Variants in ERVK3-1 observed in about 807,000 individuals in gnomAD.
ERVK3-1 encodes endogenous retrovirus group K3 member 1.
At chr19:58,308,948 A>C (rs1477982453) in intron 2 of ERVK3-1, 1 of 152,256 alleles carries the variant, frequency 6.6e-6, no homozygotes, top group Non-Finnish European at 1.5e-5. Flanking sequence ...CAGTGGGTGC[A>C]TTACAGCAAG....
chr19:58,316,155 AAC>A (rs2051591382), downstream of ERVK3-1, among the ~76,000 whole-genome samples: 1 of 152,016 alleles, frequency 6.6e-6, no homozygotes, highest in African/African-American at 2.4e-5. Flanking sequence ...ATCCCTCTAA[AAC>A]ACACCCTGCT....
At position 58,305,932 on chromosome 19, in the gene ERVK3-1, C is replaced by T. The variant is rs373445682; in HGVS notation, c.-132-156C>T. On this transcript the variant is annotated intron_variant, in intron 1 of 3. Coordinates refer to ENST00000413518, the Ensembl canonical transcript of ERVK3-1. ...ATCAAATAGCTGACCGTCAGTTACC[C>T]TTTCCTCCCTATTCAGTCTACCTAA... is the stretch of plus-strand genomic sequence containing the variant. 2.1e-4 allele frequency among the ~76,000 whole-genome samples: 32 copies of T among 152,346 alleles called. No homozygotes were observed. The South Asian group carries it at 2.7e-3, about 13-fold the overall frequency.
In ERVK3-1 at chr19:58,312,315, G is replaced by A. The variant is rs2051561434; in HGVS notation, c.147G>A (p.Pro49=). Reference sequence around the variant, plus strand: ...TGAATGCAAAGACAGAACAAGGGCCGACCGGAGTCACAATGACATCCAACC... The same window carrying A: ...TGAATGCAAAGACAGAACAAGGGCCAACCGGAGTCACAATGACATCCAACC... Residue 49 remains proline (P), a synonymous_variant, in exon 3 of 4, where the codon CCG becomes CCA. Coordinates refer to ENST00000413518, the Ensembl canonical transcript of ERVK3-1. The surrounding 1 kb of genome is among the most constrained non-coding windows in gnomAD (Gnocchi z 4.7). 5 of 400,142 alleles carry A rather than the reference G, an allele frequency of 1.2e-5. No homozygotes were observed. Among genetic ancestry groups the A allele is most frequent in the East Asian group, 1.1e-4 (3 of 28,080 alleles). The allele number at this position is 400,142 out of a possible 1,614,324, so 24.8% of individuals were successfully genotyped here.
At chr19:58,316,264 C>T (rs1031832282), downstream of ERVK3-1, among the ~76,000 whole-genome samples, 1 of 152,216 alleles carries the variant, frequency 6.6e-6, no homozygotes, top group African/African-American at 2.4e-5. Flanking sequence ...CTTCATCACT[C>T]TCCACTCAGC....
intron 2 of ERVK3-1, among the ~76,000 whole-genome samples, chr19:58,307,038 T>C (rs1367603365): frequency 6.6e-6 from 1 of 152,220 alleles, no homozygotes; most frequent in Non-Finnish European, 1.5e-5. Flanking sequence ...CTAGACAGAA[T>C]CTCACCGCTG....
chr19:58,308,455 C>T (rs965216134), intron 2 of ERVK3-1, among the ~76,000 whole-genome samples: 2 of 152,212 alleles, frequency 1.3e-5, no homozygotes, highest in Admixed American at 1.3e-4. Context: ...ACTTTTCAAC[C>T]TTATGTTGCA....
chr19:58,307,027 G>T (rs564454859), intron 2 of ERVK3-1, among the ~76,000 whole-genome samples: 1 of 152,298 alleles, frequency 6.6e-6, no homozygotes, highest in African/African-American at 2.4e-5. Flanking sequence ...TGCAGACCAG[G>T]CTAGACAGAA....
chr19:58,311,448 G>T (rs996017199), intron 2 of ERVK3-1: 1 of 152,174 alleles, frequency 6.6e-6, no homozygotes, highest in Non-Finnish European at 1.5e-5. Flanking sequence ...ATGCTTTACT[G>T]CATCAGAACA....
At position 58,313,043 on chromosome 19, in the gene ERVK3-1, T is replaced by A. The variant is rs1202350381; in HGVS notation, c.294+581T>A. 1 of 152,148 alleles carries A rather than the reference T, an allele frequency of 6.6e-6. No homozygotes were observed. Among genetic ancestry groups the A allele is most frequent in the African/African-American group, 2.4e-5 (1 of 41,428 alleles). The allele number at this position is 152,148 out of a possible 1,614,324, so 9.4% of individuals were successfully genotyped here. On this transcript the variant is annotated intron_variant, in intron 3 of 3. Transcript: ENST00000413518. This position sits in a 1 kb window ranked among gnomAD's most constrained non-coding sequence, Gnocchi z 4.5. ...TTCATCACATCACACTGGGATTCAG[T>A]CCCCCAGTTGGCTGCACAACTTGCT...
rs1026389217 is a variant in ERVK3-1 at position 58,310,877 on chromosome 19, A to T, written c.-3-1289A>T. 2 of 405,882 alleles carry T rather than the reference A, an allele frequency of 4.9e-6. No homozygotes were observed. Among genetic ancestry groups the T allele is most frequent in the African/African-American group, 2.1e-5 (1 of 48,412 alleles). 25.1% of individuals were successfully genotyped at this position (405,882 alleles called of 1,614,324 possible). ...GCTAAGTAGCGGGTGTTGTTCCTTG[A>T]CACTTTTCGCTACCGCTAGACCACG... is the stretch of plus-strand genomic sequence containing the variant. On this transcript the variant is annotated intron_variant, in intron 2 of 3. Transcript: ENST00000413518. This position sits in a 1 kb window ranked among gnomAD's most constrained non-coding sequence, Gnocchi z 4.7.
Position 58,310,837 on chromosome 19 carries a change from A to C in ERVK3-1, c.-3-1329A>C, listed in dbSNP as rs546126611. 31 of 391,400 alleles carry C rather than the reference A, an allele frequency of 7.9e-5. 1 individual carries two copies. In the East Asian group the frequency reaches 1.3e-3, roughly 16 times the overall value. The allele number at this position is 391,400 out of a possible 1,614,324, so 24.2% of individuals were successfully genotyped here. A position where few individuals can be genotyped will look rare whatever the true frequency, so the allele number is the denominator to read the frequency against. ...CCCAGGGAAAGGGAGACCGCCCCCC[A>C]CCCTTTCCCGGTCTGCTAAGTAGCG... On this transcript the variant is annotated intron_variant, in intron 2 of 3. Coordinates refer to ENST00000413518, the Ensembl canonical transcript of ERVK3-1. The surrounding 1 kb of genome is among the most constrained non-coding windows in gnomAD (Gnocchi z 4.7).
In ERVK3-1 at chr19:58,310,891, C is replaced by A; in HGVS notation, c.-3-1275C>A. 5.0e-6 allele frequency: 2 copies of A among 399,484 alleles called. No individual in the cohort carries two copies. The highest frequency in any genetic ancestry group is 3.5e-5 in the South Asian group (2 of 56,404). 24.7% of individuals were successfully genotyped at this position (399,484 alleles called of 1,614,324 possible). On this transcript the variant is annotated intron_variant, in intron 2 of 3. Coordinates refer to ENST00000413518, the Ensembl canonical transcript of ERVK3-1. The surrounding 1 kb of genome is among the most constrained non-coding windows in gnomAD (Gnocchi z 4.7). ...GTTGTTCCTTGACACTTTTCGCTAC[C>A]GCTAGACCACGGTCTTCCCAAACGC...
rs763090873 is a variant in ERVK3-1 at position 58,313,312 on chromosome 19, A to G, written c.294+850A>G. On this transcript the variant is annotated intron_variant, in intron 3 of 3. Coordinates refer to ENST00000413518, the Ensembl canonical transcript of ERVK3-1. This position sits in a 1 kb window ranked among gnomAD's most constrained non-coding sequence, Gnocchi z 4.5. ...TGTTGTTGTTAACTGTTTGAGATGGAGTCTCACTCTGTCGCCCAGGCTGGA... is the reference window on the plus strand; with the variant it reads ...TGTTGTTGTTAACTGTTTGAGATGGGGTCTCACTCTGTCGCCCAGGCTGGA... 6.6e-6 allele frequency among the ~76,000 whole-genome samples: 1 copy of G among 152,110 alleles called. No individual in the cohort carries two copies. Among genetic ancestry groups the G allele is most frequent in the South Asian group, 2.1e-4 (1 of 4,832 alleles).
At chr19:58,308,625 G>T (rs533749046) in intron 2 of ERVK3-1, among the ~76,000 whole-genome samples, 2 of 152,190 alleles carry the variant, frequency 1.3e-5, no homozygotes, top group African/African-American at 4.8e-5. Context: ...CCCCGGTCCG[G>T]TATCGGTAAC....
rs1036193936 is a variant in ERVK3-1, at chr19:58,310,815, A to G, written c.-3-1351A>G. 1.2e-4 allele frequency: 44 copies of G among 355,580 alleles called. No individual in the cohort carries two copies. The highest frequency in any genetic ancestry group is 8.8e-4 in the African/African-American group (41 of 46,480). 22.0% of individuals were successfully genotyped at this position (355,580 alleles called of 1,614,324 possible). A position where few individuals can be genotyped will look rare whatever the true frequency, so the allele number is the denominator to read the frequency against. On this transcript the variant is annotated intron_variant, in intron 2 of 3. Transcript: ENST00000413518. The surrounding 1 kb of genome is among the most constrained non-coding windows in gnomAD (Gnocchi z 4.7). ...AGCAGAGTCTTCTCTAACCTCCCCC[A>G]GGGAAAGGGAGACCGCCCCCCACCC...
exon 1 of ERVK3-1, chr19:58,305,377 A>C (rs949105895): frequency 2.6e-5 from 4 of 152,274 alleles, no homozygotes; most frequent in African/African-American, 9.7e-5. Flanking sequence ...TGCCGGCGGC[A>C]GTGTGTAAGA....
chr19:58,310,855 A>G lies in ERVK3-1; in HGVS notation c.-3-1311A>G, dbSNP rs548409990. 5.9e-4 allele frequency: 239 copies of G among 402,488 alleles called. No homozygotes were observed. Among genetic ancestry groups the G allele is most frequent in the Admixed American group, 1.2e-3 (50 of 40,012 alleles). The allele number at this position is 402,488 out of a possible 1,614,324, so 24.9% of individuals were successfully genotyped here. ...GCCCCCCACCCTTTCCCGGTCTGCT[A>G]AGTAGCGGGTGTTGTTCCTTGACAC... On this transcript the variant is annotated intron_variant, in intron 2 of 3. Coordinates refer to ENST00000413518, the Ensembl canonical transcript of ERVK3-1. The surrounding 1 kb of genome is among the most constrained non-coding windows in gnomAD (Gnocchi z 4.7).
At chr19:58,314,155 A>C (rs2051574836) in intron 3 of ERVK3-1, among the ~76,000 whole-genome samples, 2 of 152,352 alleles carry the variant, frequency 1.3e-5, no homozygotes, top group South Asian at 4.1e-4. Context: ...CCAATTTGGA[A>C]TAGAACCAAA....
At position 58,313,256 on chromosome 19, in the gene ERVK3-1, C is replaced by A. The variant is rs1220139585; in HGVS notation, c.294+794C>A. The stretch of plus-strand genomic sequence containing the variant: ...AATATCACCTTTGTAAAAAATATTA[C>A]CACTCAATTTACGGTTTGTGGGTTT... On this transcript the variant is annotated intron_variant, in intron 3 of 3. Coordinates refer to ENST00000413518, the Ensembl canonical transcript of ERVK3-1. The surrounding 1 kb of genome is among the most constrained non-coding windows in gnomAD (Gnocchi z 4.5). The A allele has an allele frequency of 6.6e-6, 1 of 152,116 alleles. No individual in the cohort carries two copies. The highest frequency in any genetic ancestry group is 1.9e-4 in the East Asian group (1 of 5,202). 9.4% of individuals were successfully genotyped at this position (152,116 alleles called of 1,614,324 possible).
Sources: allele counts gnomAD v4.1 joint callset (sites outside exome capture counted in the v4.1 genomes callset), GRCh38; gene constraint gnomAD v4.1.1; non-coding constraint Gnocchi (gnomAD v3.1); transcripts MANE v1.5; gene names NCBI Gene and HGNC (gene_info 2026-07-23, HGNC 2026-07-21).